The following FOXP1 variants were observed in gnomAD, a reference collection of about 807,000 sequenced individuals.
The protein encoded by FOXP1 is forkhead box protein P1.
Under a neutral mutation model 98.2 loss-of-function variants are expected in FOXP1, and 15 were observed. The observed-to-expected ratio is 0.15, with a 90% CI of 0.10 to 0.24. The LOEUF is 0.24. Among genes scored for constraint, FOXP1 ranks in the 10% least tolerant of loss-of-function variants. The pLI is 1.00. For synonymous variants in FOXP1, 371 were observed against 314.5 expected, an observed-to-expected ratio of 1.18 and a Z score of -1.90; for missense variants, 633 against 848.5, an observed-to-expected ratio of 0.75 and a Z score of 3.15.
At chr3:71,568,108 G>T (rs915449782) in intron 2 of FOXP1, among the ~76,000 whole-genome samples, 2 of 151,036 alleles carry the variant, frequency 1.3e-5, no homozygotes, top group African/African-American at 4.9e-5. Flanking sequence ...GAAAGAAAAG[G>T]AAGGGAAGGG....
chr3:71,283,614 T>C (rs961416191), intron 5 of FOXP1, among the ~76,000 whole-genome samples: 1 of 152,200 alleles, frequency 6.6e-6, no homozygotes, highest in Admixed American at 6.5e-5. Flanking sequence ...GTTGTAAGAA[T>C]AGCAGCAACT....
At chr3:71,544,606 G>C (rs928629205) in intron 2 of FOXP1, among the ~76,000 whole-genome samples, 2 of 152,132 alleles carry the variant, frequency 1.3e-5, no homozygotes, top group South Asian at 4.1e-4. Flanking sequence ...CAAAGCCCAA[G>C]ACATTTAAAG....
chr3:71,477,895 TACAAG>T (rs1384189381), intron 3 of FOXP1, among the ~76,000 whole-genome samples: 2 of 152,224 alleles, frequency 1.3e-5, no homozygotes, highest in African/African-American at 4.8e-5. Context: ...TCACAGTTTA[TACAAG>T]ACAAGAAACA....
At chr3:71,196,223 A>G (rs2063291366) in intron 6 of FOXP1, among the ~76,000 whole-genome samples, 1 of 152,226 alleles carries the variant, frequency 6.6e-6, no homozygotes, top group Non-Finnish European at 1.5e-5. Context: ...TGTGTCAATA[A>G]CCCATAACAA....
chr3:71,044,647 A>C (rs1037008831), intron 10 of FOXP1, among the ~76,000 whole-genome samples: 1 of 152,234 alleles, frequency 6.6e-6, no homozygotes, highest in African/African-American at 2.4e-5. Context: ...TTTCATTATG[A>C]AGTGGGCATT....
chr3:71,032,084 G>C (rs2046943300), intron 11 of FOXP1, among the ~76,000 whole-genome samples: 1 of 152,250 alleles, frequency 6.6e-6, no homozygotes, highest in African/African-American at 2.4e-5. Flanking sequence ...GCACAACAGA[G>C]GCTGCCTGAG....
rs543877104 is a variant in FOXP1 at position 70,970,676 on chromosome 3, T to TGAAATGAGTAGG, written c.1722+48_1722+59dup. On this transcript the variant is annotated intron_variant, in intron 19 of 20. Coordinates refer to ENST00000649528, the MANE Select transcript of FOXP1 (RefSeq NM_001349338.3). Reference sequence around the variant, plus strand: ...TAATTAGAGCAAGGCTAATATATTTTGAAATGAGTAGGGGAGACCTGTGCC... The same window carrying TGAAATGAGTAGG: ...TAATTAGAGCAAGGCTAATATATTTTGAAATGAGTAGGGAAATGAGTAGGGGAGACCTGTGCC... 70 of 1,290,908 alleles carry TGAAATGAGTAGG rather than the reference T, an allele frequency of 5.4e-5. No homozygotes were observed. The East Asian group carries it at 1.6e-3, about 30-fold the overall frequency. The allele number at this position is 1,290,908 out of a possible 1,614,324, so 80.0% of individuals were successfully genotyped here. A position where few individuals can be genotyped will look rare whatever the true frequency, so the allele number is the denominator to read the frequency against.
chr3:71,147,164 T>C (rs541962724), intron 6 of FOXP1, among the ~76,000 whole-genome samples: 1 of 152,326 alleles, frequency 6.6e-6, no homozygotes, highest in East Asian at 1.9e-4. Context: ...AGGCACAATT[T>C]TCCTACACAA....
At chr3:71,404,114 CTTTTTCTTTTT>C (rs1448198453) in intron 3 of FOXP1, among the ~76,000 whole-genome samples, 3,753 of 48,640 alleles carry the variant, frequency 0.077, 43 homozygotes, top group Non-Finnish European at 0.13. Context: ...TTTTTCTTTT[CTTTTTCTTTTT>C]TTTTTTTTTT....
At chr3:71,086,086 G>A (rs2107563421) in intron 7 of FOXP1, among the ~76,000 whole-genome samples, 1 of 152,260 alleles carries the variant, frequency 6.6e-6, no homozygotes, top group African/African-American at 2.4e-5. Flanking sequence ...ATGGTGGCAG[G>A]TCACGATTCA....
rs2089255944 is a variant in FOXP1 at position 71,470,698 on chromosome 3, A to G, written c.-168+22728T>C. Among the ~76,000 whole-genome samples, 4 of 152,328 alleles carry G rather than the reference A, an allele frequency of 2.6e-5. No homozygotes were observed. The South Asian group carries it at 8.3e-4, about 32-fold the overall frequency. ...GGTTGCAATGAGCAGATATCACACC[A>G]CTGCCCTCCAGCCTGGGCAACAGAG... On this transcript the variant is annotated intron_variant, in intron 3 of 20. Coordinates refer to ENST00000649528, the MANE Select transcript of FOXP1 (RefSeq NM_001349338.3).
chr3:71,579,222 G>C (rs2047954630), intron 2 of FOXP1, among the ~76,000 whole-genome samples: 1 of 151,596 alleles, frequency 6.6e-6, no homozygotes, highest in Middle Eastern at 3.2e-3. Flanking sequence ...TTTGGGGATA[G>C]TTTATCCCAG....
At chr3:70,974,428 G>T (rs1309202417) in intron 17 of FOXP1, among the ~76,000 whole-genome samples, 3 of 151,916 alleles carry the variant, frequency 2.0e-5, no homozygotes, top group African/African-American at 7.3e-5. Context: ...CTCCTGAGTA[G>T]TTGGGACTAG....
At chr3:71,434,282 A>G (rs2085001778) in intron 3 of FOXP1, among the ~76,000 whole-genome samples, 1 of 150,430 alleles carries the variant, frequency 6.6e-6, no homozygotes, top group Non-Finnish European at 1.5e-5. Context: ...AGCCCCCCCG[A>G]AGACTTGTTC....
intron 3 of FOXP1, among the ~76,000 whole-genome samples, chr3:71,480,112 G>C (rs9859717): frequency 0.36 from 55,198 of 152,056 alleles, 10,496 homozygotes; most frequent in African/African-American, 0.39. Flanking sequence ...AGAAGAATTG[G>C]TTGACCCCGG....
intron 10 of FOXP1, among the ~76,000 whole-genome samples, chr3:71,041,973 G>C (rs1173074531): frequency 2.0e-5 from 3 of 152,132 alleles, no homozygotes; most frequent in Non-Finnish European, 4.4e-5. Context: ...ATGACAAATA[G>C]CTTTGTTATT....
intron 4 of FOXP1, chr3:71,333,027 G>A (rs1209187872): frequency 1.3e-5 from 2 of 152,280 alleles, no homozygotes; most frequent in Non-Finnish European, 2.9e-5. Context: ...CCCGTATTAA[G>A]AAAAGTCTGC....
intron 7 of FOXP1, among the ~76,000 whole-genome samples, chr3:71,064,544 T>G (rs2052082154): frequency 6.7e-6 from 1 of 149,562 alleles, no homozygotes; most frequent in Non-Finnish European, 1.5e-5. Flanking sequence ...AGAGCGAGAG[T>G]GTGAGCCAAA....
chr3:71,174,229 A>C (rs2108235067), intron 6 of FOXP1, among the ~76,000 whole-genome samples: 1 of 152,348 alleles, frequency 6.6e-6, no homozygotes, highest in South Asian at 2.1e-4. Flanking sequence ...TATTGTAGAA[A>C]GATTACTGTG....
Sources: allele counts gnomAD v4.1 joint callset (sites outside exome capture counted in the v4.1 genomes callset), GRCh38; gene constraint gnomAD v4.1.1; transcripts MANE v1.5; gene names NCBI Gene and HGNC (gene_info 2026-07-23, HGNC 2026-07-21).